Variants in GNAO1 observed in about 807,000 individuals in gnomAD.
The protein encoded by GNAO1 is G protein subunit alpha o1, also known as guanine nucleotide-binding protein G(o) subunit alpha.
For missense variants in GNAO1, 166 were observed against 478.7 expected, an observed-to-expected ratio of 0.35 and a Z score of 6.10; for synonymous variants, 164 against 180.7, an observed-to-expected ratio of 0.91 and a Z score of 0.74.
intron 6 of GNAO1, among the ~76,000 whole-genome samples, chr16:56,343,514 A>G (rs1175157382): frequency 2.0e-5 from 3 of 151,676 alleles, no homozygotes; most frequent in Admixed American, 6.6e-5. Context: ...GATAAATACA[A>G]GTGATATACT....
At chr16:56,208,419 A>ATG (rs35244461) in intron 2 of GNAO1, among the ~76,000 whole-genome samples, 4,624 of 148,888 alleles carry the variant, frequency 0.031, 90 homozygotes, top group Middle Eastern at 0.092. Flanking sequence ...GCTGCTATCA[A>ATG]TGTGTGTGTG....
intron 2 of GNAO1, among the ~76,000 whole-genome samples, chr16:56,230,135 AT>A (rs1435950661): frequency 2.6e-5 from 4 of 150,962 alleles, no homozygotes; most frequent in Admixed American, 6.6e-5. Context: ...AAAAAAAAAA[AT>A]GTCAATGAAA....
intron 6 of GNAO1, among the ~76,000 whole-genome samples, chr16:56,341,862 G>A (rs1295048585): frequency 6.6e-6 from 1 of 152,200 alleles, no homozygotes; most frequent in Non-Finnish European, 1.5e-5. Context: ...GAAGTGAGTG[G>A]GAGGAGAAGT....
intron 6 of GNAO1, chr16:56,346,326 T>G: frequency 1.0e-6 from 1 of 985,340 alleles, no homozygotes; most frequent in Non-Finnish European, 1.2e-6. Context: ...GTGACACGTG[T>G]GGGTTTCTAA....
chr16:56,246,914 T>C (rs763520615), intron 2 of GNAO1, among the ~76,000 whole-genome samples: 1 of 152,256 alleles, frequency 6.6e-6, no homozygotes, highest in Admixed American at 6.5e-5. Flanking sequence ...CTTCATTATG[T>C]AATGCCTTGT....
At chr16:56,353,727 G>C (rs2037944950) in intron 7 of GNAO1, among the ~76,000 whole-genome samples, 1 of 152,212 alleles carries the variant, frequency 6.6e-6, no homozygotes, top group Non-Finnish European at 1.5e-5. Context: ...CACACGGGCT[G>C]CTTTGTCCAA....
chr16:56,334,687 C>G, intron 4 of GNAO1, 42 bp from the exon 5 acceptor site: 2 of 1,610,556 alleles, frequency 1.2e-6, no homozygotes, highest in Non-Finnish European at 8.5e-7. Flanking sequence ...GAACAGTGTC[C>G]AGGCATTTGG....
At chr16:56,288,731 A>G (rs1388636780) in intron 3 of GNAO1, among the ~76,000 whole-genome samples, 2 of 152,110 alleles carry the variant, frequency 1.3e-5, no homozygotes, top group African/African-American at 4.8e-5. Flanking sequence ...ACTCAGCAGC[A>G]GGGGTGGAGG....
At chr16:56,216,095 AT>A (rs1187370660) in intron 2 of GNAO1, among the ~76,000 whole-genome samples, 1 of 152,210 alleles carries the variant, frequency 6.6e-6, no homozygotes, top group African/African-American at 2.4e-5. Flanking sequence ...TAAGTGCACC[AT>A]TCTTTACACT....
chr16:56,297,095 C>T (rs922457631), intron 3 of GNAO1, among the ~76,000 whole-genome samples: 1 of 152,206 alleles, frequency 6.6e-6, no homozygotes, highest in Non-Finnish European at 1.5e-5. Context: ...CATCAGCTAA[C>T]TGAGAAAACC....
At chr16:56,254,714 A>G (rs1348629094) in intron 2 of GNAO1, among the ~76,000 whole-genome samples, 1 of 152,016 alleles carries the variant, frequency 6.6e-6, no homozygotes, top group Non-Finnish European at 1.5e-5. Flanking sequence ...CAGTATGTTT[A>G]TAATTTCTTT....
chr16:56,312,554 G>A (rs2037470923), intron 3 of GNAO1, among the ~76,000 whole-genome samples: 1 of 152,216 alleles, frequency 6.6e-6, no homozygotes, highest in Non-Finnish European at 1.5e-5. Context: ...TGAACCCAGA[G>A]GTCCCTCCTC....
intron 3 of GNAO1, among the ~76,000 whole-genome samples, chr16:56,289,913 G>A (rs2037213199): frequency 6.6e-6 from 1 of 152,082 alleles, no homozygotes; most frequent in South Asian, 2.1e-4. Flanking sequence ...TGCCTCTCTT[G>A]CCTCCCACCC....
intron 2 of GNAO1, among the ~76,000 whole-genome samples, chr16:56,217,760 C>T (rs1041463883): frequency 1.3e-5 from 2 of 152,208 alleles, no homozygotes; most frequent in African/African-American, 4.8e-5. Flanking sequence ...CAAGTTCACT[C>T]TCTTAGGGTT....
At chr16:56,256,710 CTCTCTCTCTGTGTGTGTG>C (rs1228662551) in intron 2 of GNAO1, among the ~76,000 whole-genome samples, 2 of 120,424 alleles carry the variant, frequency 1.7e-5, no homozygotes, top group Non-Finnish European at 3.4e-5. Flanking sequence ...CTCTCTCTCT[CTCTCTCTCTGTGTGTGTG>C]TGTGTGTGTG....
intron 3 of GNAO1, among the ~76,000 whole-genome samples, chr16:56,299,919 C>A (rs1394977689): frequency 2.6e-5 from 4 of 152,106 alleles, no homozygotes; most frequent in Admixed American, 6.5e-5. Context: ...GCTTAGAAAC[C>A]ACTCAGATGC....
intron 3 of GNAO1, among the ~76,000 whole-genome samples, chr16:56,323,043 A>C (rs2037592249): frequency 6.6e-6 from 1 of 152,050 alleles, no homozygotes; most frequent in Non-Finnish European, 1.5e-5. Context: ...GGGAGCAGGG[A>C]GGTGGGCTTC....
chr16:56,346,946 G>A (rs1487373043), intron 6 of GNAO1: 5 of 985,376 alleles, frequency 5.1e-6, no homozygotes, highest in African/African-American at 1.7e-5. Context: ...GCAGTGGGGA[G>A]CTTAGCCCCT....
chr16:56,318,515 C>G (rs1292637968), intron 3 of GNAO1, among the ~76,000 whole-genome samples: 2 of 152,186 alleles, frequency 1.3e-5, no homozygotes, highest in Non-Finnish European at 2.9e-5. Flanking sequence ...ACAGGGACAA[C>G]TACAGTACAT....
Sources: allele counts gnomAD v4.1 joint callset (sites outside exome capture counted in the v4.1 genomes callset), GRCh38; gene constraint gnomAD v4.1.1; transcripts MANE v1.5; gene names NCBI Gene and HGNC (gene_info 2026-07-23, HGNC 2026-07-21).